The following ATRX variants were observed in gnomAD, a reference collection of about 807,000 sequenced individuals.
ATRX encodes chromatin remodeler ATRX.
ATRX carries 12 observed loss-of-function variants against 172.6 expected under a neutral mutation model. That is an observed-to-expected ratio of 0.07 (90% CI 0.04 to 0.11). The LOEUF (loss-of-function observed/expected upper bound fraction) is 0.11. ATRX is among the 10% of genes least tolerant of loss of function. ATRX has a pLI of 1.00. For synonymous variants in ATRX, 674 were observed against 594.7 expected (o/e 1.13, Z -1.94); for missense variants, 1,368 against 1,767.4 (o/e 0.77, Z 4.05).
chrX:77,643,110 A>C (rs1260857492), intron 15 of ATRX, among the ~76,000 whole-genome samples: 1 of 111,751 alleles, frequency 8.9e-6, no homozygotes, highest in Non-Finnish European at 1.9e-5. Flanking sequence ...CCTCCCACAA[A>C]CCAGAGGGAG....
At chrX:77,518,202 T>C (rs1486959469) in intron 34 of ATRX, among the ~76,000 whole-genome samples, 1 of 112,030 alleles carries the variant, frequency 8.9e-6, no homozygotes, top group East Asian at 2.8e-4. Context: ...ATAAAGGGCA[T>C]CCCAGTTGGA....
At chrX:77,712,164 T>C (rs782467104) in intron 2 of ATRX, among the ~76,000 whole-genome samples, 28 of 112,322 alleles carry the variant, frequency 2.5e-4, no homozygotes, top group Non-Finnish European at 4.9e-4. Context: ...AGGCCACAGA[T>C]GGAGCTAAGA....
intron 1 of ATRX, among the ~76,000 whole-genome samples, chrX:77,735,099 A>C (rs939926276): frequency 6.3e-5 from 7 of 110,871 alleles, no homozygotes; most frequent in African/African-American, 2.3e-4. Context: ...CTCAAAAAAA[A>C]ATAAAATAAA....
chrX:77,643,840 C>G (rs1194859244), intron 15 of ATRX, among the ~76,000 whole-genome samples: 3 of 111,434 alleles, frequency 2.7e-5, no homozygotes, highest in East Asian at 5.6e-4. Flanking sequence ...GTTTTCCCCT[C>G]AGGCTTATCT....
At chrX:77,757,916 T>G (rs782714398) in intron 1 of ATRX, among the ~76,000 whole-genome samples, 3 of 109,192 alleles carry the variant, frequency 2.7e-5, no homozygotes, top group African/African-American at 1.0e-4. Flanking sequence ...GTGATTCACC[T>G]GCCTCGGCCT....
intron 30 of ATRX, among the ~76,000 whole-genome samples, chrX:77,531,643 G>T (rs1355061186): frequency 7.2e-5 from 8 of 111,589 alleles, no homozygotes; most frequent in Non-Finnish European, 1.5e-4. Flanking sequence ...AAAATAATAT[G>T]AGCAATATAC....
At chrX:77,621,458 C>T (rs370592222) in intron 19 of ATRX, among the ~76,000 whole-genome samples, 160 of 110,656 alleles carry the variant, frequency 1.4e-3, no homozygotes, top group African/African-American at 3.7e-3. Context: ...TACAGGTGCC[C>T]GCCACCATGC....
At chrX:77,692,728 A>C (rs1250555211) in intron 6 of ATRX, among the ~76,000 whole-genome samples, 1 of 111,580 alleles carries the variant, frequency 9.0e-6, no homozygotes, top group Admixed American at 9.6e-5. Context: ...AGCTGCCCCA[A>C]AATATATATA....
intron 5 of ATRX, 125 bp from the exon 6 acceptor site, chrX:77,694,062 G>C: frequency 1.9e-6 from 1 of 532,718 alleles, no homozygotes; most frequent in Non-Finnish European, 3.2e-6. Context: ...TTAGATATTG[G>C]TGTAAGGACC....
intron 8 of ATRX, 131 bp downstream of exon 8, chrX:77,684,808 T>G: frequency 8.9e-6 from 7 of 782,446 alleles, no homozygotes; most frequent in Non-Finnish European, 1.3e-5. Context: ...TCCAGGGTTT[T>G]ATGGAAAAGA....
At chrX:77,763,262 A>G (rs2075784979) in intron 1 of ATRX, among the ~76,000 whole-genome samples, 1 of 107,640 alleles carries the variant, frequency 9.3e-6, no homozygotes, top group Admixed American at 1.0e-4. Flanking sequence ...CTCCTAACTC[A>G]GCCTCCCAAG....
chrX:77,749,136 A>G (rs1442842224), intron 1 of ATRX, among the ~76,000 whole-genome samples: 3 of 110,752 alleles, frequency 2.7e-5, no homozygotes, highest in Admixed American at 9.7e-5. Flanking sequence ...GGAGTCTCCA[A>G]TGTCTATTAT....
chrX:77,521,015 C>A (rs2063212953), intron 33 of ATRX, 99 bp from the exon 34 acceptor site: 1 of 883,276 alleles, frequency 1.1e-6, no homozygotes, highest in Non-Finnish European at 1.6e-6. Flanking sequence ...GGTTTCAAAC[C>A]CCCCTTTTCC....
In ATRX at chrX:77,527,498, T is replaced by C. The variant is rs782097072; in HGVS notation, c.6700-4097A>G. ...TTGCAACATGCGGAGCAGGAGATCC[T>C]GTTGTGAACCCATTCCACCAGGACC... On this transcript the variant is annotated intron_variant, in intron 30 of 34. Transcript: ENST00000373344. 7.1e-5 allele frequency among the ~76,000 whole-genome samples: 8 copies of C among 112,208 alleles called. No homozygotes were observed. In the South Asian group the frequency reaches 3.0e-3, roughly 42 times the overall value.
chrX:77,703,741 G>A (rs781943285), intron 2 of ATRX, among the ~76,000 whole-genome samples: 2 of 112,139 alleles, frequency 1.8e-5, no homozygotes, highest in African/African-American at 6.5e-5. Flanking sequence ...AGAAGAATGA[G>A]GTGCATAGAA....
rs781877787 is a variant in ATRX, at chrX:77,778,103, C to T, written c.20+7879G>A. ...TAAGCTGAGATGGTGCCACTGAGCC[C>T]GGGTGACAGAGTGAGACTCTGTCTC... On this transcript the variant is annotated intron_variant, in intron 1 of 34. Transcript: ENST00000373344. 3.9e-5 allele frequency among the ~76,000 whole-genome samples: 4 copies of T among 102,597 alleles called. No homozygotes were observed. The South Asian group carries it at 1.8e-3, about 47-fold the overall frequency. 89.1% of individuals were successfully genotyped at this position (102,597 alleles called of 115,157 possible). A position where few individuals can be genotyped will look rare whatever the true frequency, so the allele number is the denominator to read the frequency against.
At chrX:77,587,871 A>C (rs782092293) in intron 27 of ATRX, among the ~76,000 whole-genome samples, 1 of 112,484 alleles carries the variant, frequency 8.9e-6, no homozygotes, top group African/African-American at 3.2e-5. Flanking sequence ...ATAAGACATA[A>C]TATTAAGATG....
intron 5 of ATRX, among the ~76,000 whole-genome samples, chrX:77,694,793 T>C (rs1338173076): frequency 9.5e-6 from 1 of 105,318 alleles, no homozygotes; most frequent in Non-Finnish European, 1.9e-5. Flanking sequence ...AAAAAGCAGG[T>C]AGTCACCAGG....
intron 15 of ATRX, among the ~76,000 whole-genome samples, chrX:77,636,266 C>T (rs963621123): frequency 5.4e-5 from 6 of 111,704 alleles, no homozygotes; most frequent in Non-Finnish European, 1.1e-4. Flanking sequence ...GTGGCTGGAT[C>T]ATGAAGGTGG....
Sources: allele counts gnomAD v4.1 joint callset (sites outside exome capture counted in the v4.1 genomes callset), GRCh38; gene constraint gnomAD v4.1.1; transcripts MANE v1.5; gene names NCBI Gene and HGNC (gene_info 2026-07-23, HGNC 2026-07-21).